Variants in OTC observed in about 807,000 individuals in gnomAD.
OTC encodes the protein ornithine transcarbamylase.
A neutral mutation model predicts 30.3 loss-of-function variants in OTC; 3 were observed. The observed-to-expected ratio is 0.10, with a 90% CI of 0.05 to 0.26. OTC has a LOEUF of 0.26. Among genes scored for constraint, OTC ranks in the 10% least tolerant of loss-of-function variants. The probability of loss-of-function intolerance (pLI) is 1.00; values close to 1 mark genes in which losing one functional copy is unlikely to be tolerated. For missense variants in OTC, 194 were observed against 260.3 expected (o/e 0.75, Z 1.75); for synonymous variants, 111 against 99.7 (o/e 1.11, Z -0.67).
intron 4 of OTC, among the ~76,000 whole-genome samples, chrX:38,392,943 A>T (rs1223021968): frequency 8.9e-6 from 1 of 112,157 alleles, no homozygotes; most frequent in Admixed American, 9.5e-5. Context: ...CATTTTTTAA[A>T]CCTAAAATAA....
At chrX:38,402,654 T>C (rs2068495390) in intron 5 of OTC, among the ~76,000 whole-genome samples, 2 of 112,145 alleles carry the variant, frequency 1.8e-5, no homozygotes, top group Non-Finnish European at 3.8e-5. Flanking sequence ...TATAATTCTT[T>C]GCTGTTTTTC....
At chrX:38,345,600 G>T in the OTC span, among the ~76,000 whole-genome samples, 1 of 109,045 alleles carries the variant, frequency 9.2e-6, no homozygotes, top group Non-Finnish European at 1.9e-5. Flanking sequence ...GAGTGCAGTG[G>T]TGAGAACTCA....
At chrX:38,329,194 AG>A in the OTC span, among the ~76,000 whole-genome samples, 1 of 111,494 alleles carries the variant, frequency 9.0e-6, no homozygotes, top group Non-Finnish European at 1.9e-5. Flanking sequence ...AAATAGCAGG[AG>A]GGGGGCACCA....
At chrX:38,404,802 T>C (rs2068508115) in intron 6 of OTC, among the ~76,000 whole-genome samples, 1 of 110,878 alleles carries the variant, frequency 9.0e-6, no homozygotes, top group Non-Finnish European at 1.9e-5. Flanking sequence ...TTGCTCAAGA[T>C]CAAGAGATTT....
chrX:38,342,011 CTTTT>C, the OTC span, among the ~76,000 whole-genome samples: 54 of 28,566 alleles, frequency 1.9e-3, no homozygotes, highest in African/African-American at 7.7e-3. Context: ...TTAAATTTCA[CTTTT>C]TTTTTTTTTT....
intron 4 of OTC, among the ~76,000 whole-genome samples, chrX:38,386,386 A>AT (rs148645078): frequency 0.28 from 24,391 of 88,458 alleles, 3,596 homozygotes; most frequent in East Asian, 0.54. Flanking sequence ...AAAAAAAAAA[A>AT]ATATATATAT....
chrX:38,328,894 C>T, the OTC span, among the ~76,000 whole-genome samples: 6 of 110,983 alleles, frequency 5.4e-5, no homozygotes, highest in Admixed American at 1.9e-4. Context: ...TATTTTAGGT[C>T]TTAGAATCAA....
chrX:38,395,082 C>T (rs757948347), intron 4 of OTC, among the ~76,000 whole-genome samples: 1 of 111,062 alleles, frequency 9.0e-6, no homozygotes, highest in South Asian at 3.9e-4. Context: ...AAGTGATTCT[C>T]CTGCCTCGGC....
chrX:38,416,003 T>A (rs1241384477), intron 9 of OTC, among the ~76,000 whole-genome samples: 1 of 112,157 alleles, frequency 8.9e-6, no homozygotes, highest in African/African-American at 3.2e-5. Flanking sequence ...CTTCCATCAC[T>A]GCCGAGAGCT....
chrX:38,376,407 T>A lies in OTC; in HGVS notation c.299-4935T>A, dbSNP rs189174214. On this transcript the variant is annotated intron_variant, in intron 3 of 9. Coordinates refer to ENST00000039007, the MANE Select transcript of OTC (RefSeq NM_000531.6). ...AATGTCTTTGAGTAGGCAAGGGGAGTGGCTTCTAGTGCACGAGTGAAGGCA... is the reference window on the plus strand; with the variant it reads ...AATGTCTTTGAGTAGGCAAGGGGAGAGGCTTCTAGTGCACGAGTGAAGGCA... Among the ~76,000 whole-genome samples, 12 of 111,160 alleles carry A rather than the reference T, an allele frequency of 1.1e-4. No individual in the cohort carries two copies. The East Asian group carries it at 2.5e-3, about 24-fold the overall frequency.
upstream of OTC, among the ~76,000 whole-genome samples, chrX:38,350,018 C>G (rs943258574): frequency 1.8e-5 from 2 of 111,122 alleles, no homozygotes; most frequent in Non-Finnish European, 3.8e-5. Flanking sequence ...CTTTGTAGCT[C>G]CCTCCAGTTT....
chrX:38,342,594 G>A, the OTC span, among the ~76,000 whole-genome samples: 2 of 111,492 alleles, frequency 1.8e-5, no homozygotes, highest in Admixed American at 1.9e-4. Flanking sequence ...CAGATGATTC[G>A]CTTACTTCTT....
intron 6 of OTC, 133 bp downstream of exon 6, chrX:38,403,873 C>G (rs2068503384): frequency 9.2e-6 from 6 of 652,103 alleles, no homozygotes; most frequent in Admixed American, 7.3e-5. Flanking sequence ...GTTACGTTAC[C>G]AGCCCTACTA....
At chrX:38,401,177 A>G in intron 4 of OTC, 98 bp from the exon 5 acceptor site, 2 of 657,424 alleles carry the variant, frequency 3.0e-6, no homozygotes, top group Non-Finnish European at 4.9e-6. Context: ...TAAAAATTCT[A>G]TTTATTAGTA....
At chrX:38,335,404 A>G in the OTC span, among the ~76,000 whole-genome samples, 4 of 112,284 alleles carry the variant, frequency 3.6e-5, no homozygotes, top group East Asian at 1.1e-3. Context: ...TTTGTGTTTC[A>G]TGGGCTGTGT....
intron 2 of OTC, among the ~76,000 whole-genome samples, chrX:38,368,944 C>T (rs761345802): frequency 9.2e-6 from 1 of 108,506 alleles, no homozygotes; most frequent in South Asian, 4.2e-4. Context: ...AAGGAGGAAG[C>T]GCCCCACCCC....
chrX:38,334,546 G>T, the OTC span, among the ~76,000 whole-genome samples: 2 of 111,584 alleles, frequency 1.8e-5, no homozygotes, highest in Non-Finnish European at 3.8e-5. Flanking sequence ...GAGGAATGAG[G>T]CTGAGAAAAA....
chrX:38,413,724 C>T (rs978617473), intron 9 of OTC, among the ~76,000 whole-genome samples: 5 of 106,485 alleles, frequency 4.7e-5, no homozygotes, highest in Non-Finnish European at 9.7e-5. Context: ...GGCTGGAGTG[C>T]AGTGGTGTGA....
chrX:38,340,471 TTG>T, the OTC span, among the ~76,000 whole-genome samples: 177 of 81,588 alleles, frequency 2.2e-3, no homozygotes, highest in African/African-American at 7.6e-3. Context: ...TTTTTTTTTT[TTG>T]TTTTTTTTTT....
Sources: gnomAD v4.1 joint callset for allele counts (sites outside exome capture counted in the v4.1 genomes callset) on GRCh38, gnomAD v4.1.1 for gene constraint, MANE v1.5 for transcripts, NCBI Gene and HGNC (gene_info 2026-07-23, HGNC 2026-07-21) for gene names.